Variants in TBC1D22A observed in about 807,000 individuals in gnomAD.
TBC1D22A encodes the protein TBC1 domain family member 22A, also known as putative GTPase activator.
In TBC1D22A, 38 loss-of-function variants were observed where a neutral mutation model predicts 60.2. That is an observed-to-expected ratio of 0.63 (90% confidence interval 0.49 to 0.83). TBC1D22A has a LOEUF of 0.83. TBC1D22A is among the 40% of genes least tolerant of loss of function. The probability of loss-of-function intolerance (pLI) is 0.00; values close to 1 mark genes in which losing one functional copy is unlikely to be tolerated. For synonymous variants in TBC1D22A, 302 were observed against 281.7 expected (o/e 1.07, Z -0.72); for missense variants, 628 against 701.0 (o/e 0.90, Z 1.18).
chr22:47,037,535 G>A (rs1167279431), intron 11 of TBC1D22A, among the ~76,000 whole-genome samples: 1 of 152,200 alleles, frequency 6.6e-6, no homozygotes, highest in Admixed American at 6.5e-5. Context: ...AGAGGCTGAG[G>A]CATGAGAATT....
intron 4 of TBC1D22A, among the ~76,000 whole-genome samples, chr22:46,870,953 C>T (rs2067268105): frequency 6.6e-6 from 1 of 152,140 alleles, no homozygotes; most frequent in Non-Finnish European, 1.5e-5. Flanking sequence ...GGGACAAAAA[C>T]ATTCAAACCA....
At chr22:47,098,605 C>T (rs538372070) in intron 11 of TBC1D22A, among the ~76,000 whole-genome samples, 19 of 151,958 alleles carry the variant, frequency 1.3e-4, no homozygotes, top group African/African-American at 3.9e-4. Flanking sequence ...CCAGGTGAGG[C>T]ATCTCCCCGA....
chr22:46,917,164 C>T (rs1298375949), intron 8 of TBC1D22A, among the ~76,000 whole-genome samples: 1 of 152,134 alleles, frequency 6.6e-6, no homozygotes, highest in East Asian at 1.9e-4. Flanking sequence ...TTAGTCTAAT[C>T]TTTTAGAATT....
At chr22:47,057,295 G>T (rs73471656) in intron 11 of TBC1D22A, among the ~76,000 whole-genome samples, 4 of 152,118 alleles carry the variant, frequency 2.6e-5, no homozygotes, top group African/African-American at 7.2e-5. Context: ...CTCCTTCCAC[G>T]GGAGCAGAAG....
At chr22:47,169,529 T>A (rs2147230307) in intron 12 of TBC1D22A, among the ~76,000 whole-genome samples, 1 of 151,886 alleles carries the variant, frequency 6.6e-6, no homozygotes, top group South Asian at 2.1e-4. Flanking sequence ...GCAGCGAGAG[T>A]CTGATTCTGT....
At chr22:46,785,308 T>C (rs2146832262) in intron 1 of TBC1D22A, among the ~76,000 whole-genome samples, 1 of 152,324 alleles carries the variant, frequency 6.6e-6, no homozygotes, top group South Asian at 2.1e-4. Context: ...AATGTGTACA[T>C]ATGGGAGATC....
At chr22:46,829,797 G>T (rs568093210) in intron 4 of TBC1D22A, among the ~76,000 whole-genome samples, 1 of 152,250 alleles carries the variant, frequency 6.6e-6, no homozygotes, top group African/African-American at 2.4e-5. Context: ...TCCAAAATTG[G>T]CTCTTTTCCT....
chr22:46,813,483 C>G (rs2085467346), intron 4 of TBC1D22A, among the ~76,000 whole-genome samples: 1 of 152,098 alleles, frequency 6.6e-6, no homozygotes, highest in African/African-American at 2.4e-5. Context: ...TTTCCGTTTT[C>G]CCAGGGTAGA....
At chr22:46,836,141 C>T (rs1025694323) in intron 4 of TBC1D22A, among the ~76,000 whole-genome samples, 21 of 152,174 alleles carry the variant, frequency 1.4e-4, no homozygotes, top group Non-Finnish European at 2.9e-5. Flanking sequence ...ATAATACTCA[C>T]TGGCAAAAGT....
chr22:47,018,975 G>C (rs1438094071), intron 10 of TBC1D22A, among the ~76,000 whole-genome samples: 1 of 151,180 alleles, frequency 6.6e-6, no homozygotes, highest in Non-Finnish European at 1.5e-5. Context: ...GTGGGGTCCT[G>C]ACAGCCCCCG....
At chr22:46,849,254 C>A (rs1181847994) in intron 4 of TBC1D22A, among the ~76,000 whole-genome samples, 1 of 152,200 alleles carries the variant, frequency 6.6e-6, no homozygotes, top group Non-Finnish European at 1.5e-5. Context: ...AAGTGGGTCT[C>A]CAGACGGCAG....
chr22:46,818,751 G>GT (rs1485477774), intron 4 of TBC1D22A, among the ~76,000 whole-genome samples: 1 of 152,206 alleles, frequency 6.6e-6, no homozygotes, highest in African/African-American at 2.4e-5. Flanking sequence ...ATTTAAAATA[G>GT]TTTTTTCTAA....
intron 4 of TBC1D22A, among the ~76,000 whole-genome samples, chr22:46,842,852 G>A (rs558152437): frequency 1.3e-5 from 2 of 152,218 alleles, no homozygotes; most frequent in South Asian, 2.1e-4. Context: ...CCCAGGGCAT[G>A]CCTTGACAGC....
At chr22:46,885,039 TCA>T (rs1363832396) in intron 5 of TBC1D22A, among the ~76,000 whole-genome samples, 2 of 152,164 alleles carry the variant, frequency 1.3e-5, no homozygotes, top group Non-Finnish European at 2.9e-5. Flanking sequence ...GATGTGATTG[TCA>T]CAGAGTCTCT....
At chr22:47,165,283 A>G (rs1008356621) in intron 12 of TBC1D22A, among the ~76,000 whole-genome samples, 2 of 152,060 alleles carry the variant, frequency 1.3e-5, no homozygotes, top group African/African-American at 4.8e-5. Context: ...CCCTCATGGC[A>G]CCTGCGAAGG....
chr22:46,897,641 TTTTTTTTTGTG>T (rs1359148445), intron 7 of TBC1D22A, among the ~76,000 whole-genome samples: 6 of 126,320 alleles, frequency 4.7e-5, no homozygotes, highest in African/African-American at 1.9e-4. Context: ...TTTCGTTTTG[TTTTTTTTTGTG>T]TTTTTTTTTT....
rs149034107 is a variant in TBC1D22A, at chr22:47,121,160, A to G, written c.1425+9557A>G. 9.1e-3 allele frequency among the ~76,000 whole-genome samples: 1,382 copies of G among 152,366 alleles called. 12 individuals are homozygous for G. Among genetic ancestry groups the G allele is most frequent in the South Asian group, 0.021 (101 of 4,820 alleles). On this transcript the variant is annotated intron_variant, in intron 12 of 12. Coordinates refer to ENST00000337137, the MANE Select transcript of TBC1D22A (RefSeq NM_014346.5). ...CCAGAAAATGTAAGTGTTTCTTCCAATCATTAGTAAAGAATCGAAAATGGA... is the reference window on the plus strand; with the variant it reads ...CCAGAAAATGTAAGTGTTTCTTCCAGTCATTAGTAAAGAATCGAAAATGGA...
At chr22:47,143,436 C>T (rs904896230) in intron 12 of TBC1D22A, among the ~76,000 whole-genome samples, 8 of 152,228 alleles carry the variant, frequency 5.3e-5, no homozygotes, top group Non-Finnish European at 1.0e-4. Context: ...AGCCCTGCCG[C>T]GCTGGCTAGC....
rs187790259 is a variant in TBC1D22A, at chr22:47,115,293, G to T, written c.1425+3690G>T. On this transcript the variant is annotated intron_variant, in intron 12 of 12. Coordinates refer to ENST00000337137, the MANE Select transcript of TBC1D22A (RefSeq NM_014346.5). ...CCCATGCCATCTGCATTGCTAATCC[G>T]CAGGCTATATGTATGTGGCTCCACA... Among the ~76,000 whole-genome samples, 71 of 152,276 alleles carry T rather than the reference G, an allele frequency of 4.7e-4. 1 individual carries two copies. The highest frequency in any genetic ancestry group is 4.6e-3 in the Admixed American group (70 of 15,302).
Sources: allele counts gnomAD v4.1 joint callset (sites outside exome capture counted in the v4.1 genomes callset), GRCh38; gene constraint gnomAD v4.1.1; transcripts MANE v1.5; gene names NCBI Gene and HGNC (gene_info 2026-07-23, HGNC 2026-07-21).